Variants in FOXN2 observed in about 807,000 individuals in gnomAD.
The protein encoded by FOXN2 is forkhead box N2, also known as forkhead box protein N2.
A neutral mutation model predicts 41.2 loss-of-function variants in FOXN2; 19 were observed. That is an observed-to-expected ratio of 0.46 (90% confidence interval 0.32 to 0.68). FOXN2 has a LOEUF of 0.68. FOXN2 is among the 30% of genes least tolerant of loss of function. The pLI, the probability that FOXN2 is intolerant of heterozygous loss-of-function variation, is 0.03. For synonymous variants in FOXN2, 195 were observed against 176.8 expected, an observed-to-expected ratio of 1.10 and a Z score of -0.82; for missense variants, 587 against 509.4, an observed-to-expected ratio of 1.15 and a Z score of -1.47.
intron 6 of FOXN2, among the ~76,000 whole-genome samples, chr2:48,374,598 T>C (rs903659161): frequency 1.3e-5 from 2 of 152,206 alleles, no homozygotes; most frequent in African/African-American, 2.4e-5. Flanking sequence ...TGATTTATAC[T>C]AATGAAAAAT....
intron 1 of FOXN2, among the ~76,000 whole-genome samples, chr2:48,324,057 G>T (rs1669507208): frequency 6.6e-6 from 1 of 151,994 alleles, no homozygotes; most frequent in Non-Finnish European, 1.5e-5. Context: ...ATTTTCTTTT[G>T]CTATACTATT....
intron 2 of FOXN2, among the ~76,000 whole-genome samples, chr2:48,343,892 T>A (rs1027755428): frequency 1.3e-5 from 2 of 152,176 alleles, no homozygotes; most frequent in Non-Finnish European, 2.9e-5. Flanking sequence ...GAATCTGTAA[T>A]GTAGTAAAAT....
At chr2:48,364,780 A>G (rs1672423958) in intron 5 of FOXN2, among the ~76,000 whole-genome samples, 1 of 152,252 alleles carries the variant, frequency 6.6e-6, no homozygotes, top group Non-Finnish European at 1.5e-5. Context: ...AATAACAATA[A>G]AATTTCAAGA....
intron 2 of FOXN2, among the ~76,000 whole-genome samples, chr2:48,336,408 C>CAAA (rs375315237): frequency 8.8e-4 from 104 of 118,050 alleles, no homozygotes; most frequent in African/African-American, 2.2e-3. Flanking sequence ...CCTCAGTTTC[C>CAAA]AAAAAAAAAA....
At chr2:48,359,505 G>T (rs1036963486) in intron 4 of FOXN2, among the ~76,000 whole-genome samples, 1 of 151,824 alleles carries the variant, frequency 6.6e-6, no homozygotes, top group African/African-American at 2.4e-5. Flanking sequence ...TGTTGGCCTG[G>T]GTGGTCTCTA....
At chr2:48,320,521 C>G (rs952016819) in intron 1 of FOXN2, among the ~76,000 whole-genome samples, 1 of 152,074 alleles carries the variant, frequency 6.6e-6, no homozygotes, top group African/African-American at 2.4e-5. Flanking sequence ...GAACCCTGAC[C>G]TCAAGTGATC....
chr2:48,373,913 G>C (rs929489616), intron 6 of FOXN2, among the ~76,000 whole-genome samples: 1 of 152,008 alleles, frequency 6.6e-6, no homozygotes, highest in East Asian at 1.9e-4. Context: ...AAATTAGCCA[G>C]ATGTGGTGGT....
At chr2:48,335,720 T>A (rs532235074) in intron 2 of FOXN2, among the ~76,000 whole-genome samples, 36 of 152,284 alleles carry the variant, frequency 2.4e-4, no homozygotes, top group African/African-American at 8.7e-4. Flanking sequence ...TAATAGCATC[T>A]TATGAAGTTA....
chr2:48,351,072 T>TA (rs1293048969), intron 3 of FOXN2, among the ~76,000 whole-genome samples: 1 of 150,928 alleles, frequency 6.6e-6, no homozygotes, highest in Non-Finnish European at 1.5e-5. Context: ...GCAATCCTGT[T>TA]ACCTCCGTTT....
At chr2:48,360,431 T>A (rs756001887) in intron 4 of FOXN2, among the ~76,000 whole-genome samples, 1 of 152,156 alleles carries the variant, frequency 6.6e-6, no homozygotes, top group African/African-American at 2.4e-5. Context: ...TTTCATATAG[T>A]GGTTAATTTG....
intron 2 of FOXN2, among the ~76,000 whole-genome samples, chr2:48,342,494 A>G (rs992703220): frequency 6.6e-6 from 1 of 152,120 alleles, no homozygotes; most frequent in Non-Finnish European, 1.5e-5. Flanking sequence ...CGTGATACAC[A>G]TTTCCATTTA....
intron 1 of FOXN2, among the ~76,000 whole-genome samples, chr2:48,319,616 CT>C (rs35143943): frequency 0.01 from 1,348 of 133,866 alleles, 21 homozygotes; most frequent in African/African-American, 0.031. Flanking sequence ...TATTTAAATT[CT>C]TTTTTTTTTT....
At chr2:48,338,572 T>C (rs1308934269) in intron 2 of FOXN2, among the ~76,000 whole-genome samples, 1 of 152,020 alleles carries the variant, frequency 6.6e-6, no homozygotes, top group Non-Finnish European at 1.5e-5. Flanking sequence ...CAGCTAATTT[T>C]CTGTATTTTT....
chr2:48,347,048 A>C (rs555288041), intron 3 of FOXN2, among the ~76,000 whole-genome samples: 44 of 152,080 alleles, frequency 2.9e-4, no homozygotes, highest in African/African-American at 9.9e-4. Context: ...TTGATTCTTT[A>C]TTCAATATGA....
intron 2 of FOXN2, among the ~76,000 whole-genome samples, chr2:48,334,748 G>A (rs987630480): frequency 3.9e-5 from 6 of 152,138 alleles, no homozygotes; most frequent in Admixed American, 2.0e-4. Context: ...CAGTCAAGAT[G>A]GAGCATTTAG....
At chr2:48,363,033 C>G (rs540534841) in intron 5 of FOXN2, among the ~76,000 whole-genome samples, 1 of 152,194 alleles carries the variant, frequency 6.6e-6, no homozygotes, top group Admixed American at 6.5e-5. Flanking sequence ...TTTGAGTATA[C>G]TCCTTCCACC....
At chr2:48,329,764 A>G (rs1400623843) in intron 2 of FOXN2, among the ~76,000 whole-genome samples, 2 of 152,186 alleles carry the variant, frequency 1.3e-5, no homozygotes, top group Non-Finnish European at 2.9e-5. Context: ...TTTATAATGG[A>G]GAATCTTAAT....
At chr2:48,354,031 T>C (rs552106534) in intron 3 of FOXN2, among the ~76,000 whole-genome samples, 4 of 152,350 alleles carry the variant, frequency 2.6e-5, no homozygotes, top group South Asian at 2.1e-4. Flanking sequence ...TTTATACTTA[T>C]GATGGTACAT....
chr2:48,362,599 T>C, intron 4 of FOXN2, 44 bp from the exon 5 acceptor site: 1 of 1,557,452 alleles, frequency 6.4e-7, no homozygotes, highest in Non-Finnish European at 8.9e-7. Flanking sequence ...AAAAGTGAAG[T>C]AAACATTTTT....
Sources: gnomAD v4.1 joint callset for allele counts (sites outside exome capture counted in the v4.1 genomes callset) on GRCh38, gnomAD v4.1.1 for gene constraint, MANE v1.5 for transcripts, NCBI Gene and HGNC (gene_info 2026-07-23, HGNC 2026-07-21) for gene names.